The following OSTM1 variants were observed in gnomAD, a reference collection of about 807,000 sequenced individuals.
The protein encoded by OSTM1 is osteoclastogenesis associated transmembrane protein 1.
In OSTM1, 26 loss-of-function variants were observed where a neutral mutation model predicts 35.4. That is an observed-to-expected ratio of 0.73 (90% CI 0.54 to 1.02). The LOEUF is 1.02. Ranked by LOEUF, OSTM1 falls within the 50% of genes least tolerant of loss-of-function variation. The probability of loss-of-function intolerance (pLI) is 0.00; values close to 1 mark genes in which losing one functional copy is unlikely to be tolerated. For synonymous variants in OSTM1, 181 were observed against 165.0 expected (o/e 1.10, Z -0.75); for missense variants, 366 against 409.6 (o/e 0.89, Z 0.92).
chr6:108,044,943 T>C, intron 5 of OSTM1, 103 bp from the exon 6 acceptor site: 1 of 582,634 alleles, frequency 1.7e-6, no homozygotes, highest in South Asian at 3.3e-5. Flanking sequence ...TAATTCTATG[T>C]TTGAATCCTA....
intron 1 of OSTM1, among the ~76,000 whole-genome samples, chr6:108,067,111 C>T (rs1772393700): frequency 6.6e-6 from 1 of 152,200 alleles, no homozygotes; most frequent in Admixed American, 6.5e-5. Context: ...CCTCACTTTT[C>T]TGTCTGCTCA....
At chr6:108,063,942 G>C (rs1387986539) in intron 2 of OSTM1, among the ~76,000 whole-genome samples, 1 of 152,160 alleles carries the variant, frequency 6.6e-6, no homozygotes, top group Non-Finnish European at 1.5e-5. Flanking sequence ...GCTAGTAAGT[G>C]GCAGAGCTTA....
At chr6:108,070,311 T>C (rs1057152569) in intron 1 of OSTM1, among the ~76,000 whole-genome samples, 7 of 152,076 alleles carry the variant, frequency 4.6e-5, no homozygotes, top group Non-Finnish European at 8.8e-5. Flanking sequence ...AGTGCTGGGA[T>C]TACAGGCATG....
At chr6:108,058,655 G>A (rs766847707) in intron 2 of OSTM1, among the ~76,000 whole-genome samples, 4 of 152,126 alleles carry the variant, frequency 2.6e-5, no homozygotes, top group Non-Finnish European at 4.4e-5. Flanking sequence ...GTGGGCACCT[G>A]TAGTCCCAGC....
chr6:108,055,972 G>A (rs1772163475), intron 2 of OSTM1, among the ~76,000 whole-genome samples: 1 of 152,144 alleles, frequency 6.6e-6, no homozygotes, highest in Non-Finnish European at 1.5e-5. Context: ...ACTGGAAGTG[G>A]AAAGACAACA....
At chr6:108,054,668 T>C in intron 2 of OSTM1, 81 bp from the exon 3 acceptor site, 1 of 687,722 alleles carries the variant, frequency 1.5e-6, no homozygotes, top group Non-Finnish European at 2.6e-6. Flanking sequence ...AGCTATCAGC[T>C]TCGTTTCACA....
chr6:108,053,455 A>T (rs1772116904), intron 3 of OSTM1, among the ~76,000 whole-genome samples: 1 of 152,216 alleles, frequency 6.6e-6, no homozygotes, highest in Admixed American at 6.5e-5. Context: ...ACCCTTTCTG[A>T]TAGGACATCT....
At chr6:108,050,903 A>G (rs1159277974) in intron 4 of OSTM1, 128 bp downstream of exon 4, 1 of 802,500 alleles carries the variant, frequency 1.2e-6, no homozygotes, top group Non-Finnish European at 2.1e-6. Flanking sequence ...TTACTACTTT[A>G]TAACTAGTTA....
chr6:108,052,219 G>A (rs536789325), intron 3 of OSTM1, among the ~76,000 whole-genome samples: 74 of 152,240 alleles, frequency 4.9e-4, no homozygotes, highest in Middle Eastern at 3.4e-3. Context: ...CGGATCACAA[G>A]GTCAGGAGAT....
intron 5 of OSTM1, 90 bp from the exon 6 acceptor site, chr6:108,044,930 T>A: frequency 1.6e-6 from 1 of 629,710 alleles, no homozygotes; most frequent in Non-Finnish European, 2.6e-6. Flanking sequence ...AGTATTTATC[T>A]ATTAATTCTA....
At chr6:108,063,292 C>T (rs1373499180) in intron 2 of OSTM1, among the ~76,000 whole-genome samples, 3 of 152,234 alleles carry the variant, frequency 2.0e-5, no homozygotes, top group African/African-American at 7.2e-5. Flanking sequence ...GCTGGGATTA[C>T]AGGCGTGAGC....
chr6:108,062,178 G>T (rs1190735699), intron 2 of OSTM1, among the ~76,000 whole-genome samples: 1 of 152,054 alleles, frequency 6.6e-6, no homozygotes, highest in African/African-American at 2.4e-5. Context: ...TATTATTAAA[G>T]AATTAGTAAG....
At chr6:108,052,511 C>CTTTTTTTTT (rs35984071) in intron 3 of OSTM1, among the ~76,000 whole-genome samples, 1 of 108,126 alleles carries the variant, frequency 9.2e-6, no homozygotes, top group African/African-American at 3.6e-5. Flanking sequence ...GTAATTTAAC[C>CTTTTTTTTT]TTTTTTTTTT....
Position 108,074,469 on chromosome 6 carries a change from G to A in OSTM1, c.183C>T (p.Ser61=), listed in dbSNP as rs1248149107. ...QLLEVEDLSL[S]LLQGGGLGPL... Reference sequence around the variant, plus strand: ...GCCCCAGCCCTCCACCCTGCAGGAGGGACAGGGACAAGTCCTCCACCTCCA... The same window carrying A: ...GCCCCAGCCCTCCACCCTGCAGGAGAGACAGGGACAAGTCCTCCACCTCCA... The change falls in exon 1 of 6, where the codon TCC becomes TCT. Residue 61 remains serine, a synonymous_variant. Transcript: ENST00000193322. 2 of 1,557,110 alleles carry A rather than the reference G, an allele frequency of 1.3e-6. No homozygotes were observed. The highest frequency in any genetic ancestry group is 2.7e-5 in the African/African-American group (2 of 73,408).
chr6:108,064,015 C>T (rs539945953), intron 2 of OSTM1, among the ~76,000 whole-genome samples, 170 bp downstream of exon 2: 2 of 152,168 alleles, frequency 1.3e-5, no homozygotes, highest in East Asian at 1.9e-4. Flanking sequence ...TTCTGCCTTT[C>T]GCTATTTGCT....
At chr6:108,046,887 A>G (rs1325482066) in intron 5 of OSTM1, among the ~76,000 whole-genome samples, 2 of 152,190 alleles carry the variant, frequency 1.3e-5, no homozygotes, top group Non-Finnish European at 2.9e-5. Context: ...AAATGACTTA[A>G]TAAACTGGAC....
chr6:108,064,884 A>G (rs1200523100), intron 1 of OSTM1, among the ~76,000 whole-genome samples: 2 of 152,210 alleles, frequency 1.3e-5, no homozygotes, highest in Non-Finnish European at 2.9e-5. Context: ...ATGGTCAGTC[A>G]TGTGGGAGAA....
In OSTM1 at chr6:108,051,206, G is replaced by A; in HGVS notation, c.616-8C>T. ...AAGACTATGTGCATTCCCCTAAAAT[G>A]ACAAAGGCACATGTAATATATACAA... On this transcript the variant is annotated splice_polypyrimidine_tract_variant and splice_region_variant and intron_variant, in intron 3 of 5. Transcript: ENST00000193322. 3 of 1,598,128 alleles carry A rather than the reference G, an allele frequency of 1.9e-6. No homozygotes were observed. Among genetic ancestry groups the A allele is most frequent in the Non-Finnish European group, 2.6e-6 (3 of 1,166,038 alleles).
At chr6:108,071,758 C>T (rs9320254) in intron 1 of OSTM1, among the ~76,000 whole-genome samples, 38,038 of 151,910 alleles carry the variant, frequency 0.25, 4,975 homozygotes, top group East Asian at 0.44. Context: ...TAAGGCGAGC[C>T]GAGACCAAGG....
Sources: allele counts gnomAD v4.1 joint callset (sites outside exome capture counted in the v4.1 genomes callset), GRCh38; gene constraint gnomAD v4.1.1; transcripts MANE v1.5; gene names NCBI Gene and HGNC (gene_info 2026-07-23, HGNC 2026-07-21).